The following TCAIM variants were observed in gnomAD, a reference collection of about 807,000 sequenced individuals.
TCAIM encodes T-cell activation inhibitor, mitochondrial.
In TCAIM, 36 loss-of-function variants were observed where a neutral mutation model predicts 58.6. The observed-to-expected ratio is 0.61, with a 90% CI of 0.47 to 0.81. The LOEUF is 0.81. Ranked by LOEUF, TCAIM falls within the 30% of genes least tolerant of loss-of-function variation. The pLI, the probability that TCAIM is intolerant of heterozygous loss-of-function variation, is 0.00. For synonymous variants in TCAIM, 172 were observed against 193.6 expected (o/e 0.89, Z 0.93); for missense variants, 466 against 579.6 (o/e 0.80, Z 2.01).
Position 44,354,763 on chromosome 3 carries a change from A to G in TCAIM, c.-20A>G, listed in dbSNP as rs745625477. ...GCAATTAATGGATGCCTCGAAGTTG[A>G]CGTACATATATATTCAGAAATGTTT... is the stretch of plus-strand genomic sequence containing the variant. On this transcript the variant is annotated 5_prime_UTR_variant, in exon 2 of 11. The change abolishes the stop of an existing upstream ORF in the 5' untranslated region. Coordinates refer to ENST00000342649, the MANE Select transcript of TCAIM (RefSeq NM_173826.4). 1.9e-6 allele frequency: 3 copies of G among 1,605,708 alleles called. No individual in the cohort carries two copies. The South Asian group carries it at 3.4e-5, about 18-fold the overall frequency.
intron 5 of TCAIM, among the ~76,000 whole-genome samples, chr3:44,386,615 C>T (rs1255959145): frequency 6.6e-6 from 1 of 152,242 alleles, no homozygotes. Flanking sequence ...CCTCTCTCCA[C>T]TCCCAGTGCC....
Position 44,401,259 on chromosome 3 carries a change from G to C in TCAIM, c.1175G>C (p.Cys392Ser), listed in dbSNP as rs771520820. The C allele has an allele frequency of 2.5e-6, 4 of 1,613,944 alleles. No homozygotes were observed. Among genetic ancestry groups the C allele is most frequent in the Non-Finnish European group, 3.4e-6 (4 of 1,180,004 alleles). Residue 392 changes from cysteine to serine, a missense_variant, in exon 10 of 11, where the codon TGT becomes TCT. Coordinates refer to ENST00000342649, the MANE Select transcript of TCAIM (RefSeq NM_173826.4). ...ELGHFNIPTL[C>S]DPANLQWFIL... The stretch of plus-strand genomic sequence containing the variant: ...GGGCATTTTAATATTCCAACACTCT[G>C]TGATCCAGCAAATCTCCAGTGGTTT...
Position 44,409,338 on chromosome 3 carries a change from A to T in TCAIM, c.*1656A>T, listed in dbSNP as rs1417582750. ...ATATAAGAAAATATATTAGAAAATC[A>T]GCTTTGGATTATACGATTTCTAAAA... On this transcript the variant is annotated 3_prime_UTR_variant, in exon 11 of 11. Transcript: ENST00000342649. 6.6e-6 allele frequency: 1 copy of T among 152,246 alleles called. No individual in the cohort carries two copies. The highest frequency in any genetic ancestry group is 2.4e-5 in the African/African-American group (1 of 41,472). 9.4% of individuals were successfully genotyped at this position (152,246 alleles called of 1,614,324 possible). A position where few individuals can be genotyped will look rare whatever the true frequency, so the allele number is the denominator to read the frequency against.
rs528107861 is a variant in TCAIM at position 44,396,626 on chromosome 3, A to G, written c.794-117A>G. On this transcript the variant is annotated intron_variant, in intron 7 of 10. Transcript: ENST00000342649. ...TCTGTTCTTTGAATAAAGCAGTGGC[A>G]TAAAATTAGCCTTTAAGCTTCTACT... is the stretch of plus-strand genomic sequence containing the variant. The G allele has an allele frequency of 5.7e-6, 8 of 1,413,280 alleles. No homozygotes were observed. In the East Asian group the frequency reaches 1.4e-4, roughly 24 times the overall value. The allele number at this position is 1,413,280 out of a possible 1,614,324, so 87.5% of individuals were successfully genotyped here.
At chr3:44,378,459 C>A (rs11707182) in intron 5 of TCAIM, among the ~76,000 whole-genome samples, 3 of 151,680 alleles carry the variant, frequency 2.0e-5, no homozygotes, top group Non-Finnish European at 4.4e-5. Context: ...TGAACAGACA[C>A]TTTTCAAAAG....
intron 6 of TCAIM, among the ~76,000 whole-genome samples, chr3:44,394,828 AG>A (rs1301380410): frequency 1.5e-5 from 2 of 136,678 alleles, no homozygotes; most frequent in Admixed American, 7.8e-5. Context: ...CAGGAGACAG[AG>A]GTTGCAGTGA....
intron 5 of TCAIM, among the ~76,000 whole-genome samples, chr3:44,374,161 T>A (rs1220650087): frequency 6.6e-6 from 1 of 152,232 alleles, no homozygotes; most frequent in Non-Finnish European, 1.5e-5. Context: ...AGTCATGATT[T>A]AACTCATATT....
Position 44,384,518 on chromosome 3 carries a change from A to G in TCAIM, c.573-8337A>G, listed in dbSNP as rs529778464. Among the ~76,000 whole-genome samples, 712 of 152,350 alleles carry G rather than the reference A, an allele frequency of 4.7e-3. 5 individuals are homozygous for G. The highest frequency in any genetic ancestry group is 6.7e-3 in the Non-Finnish European group (459 of 68,026). On this transcript the variant is annotated intron_variant, in intron 5 of 10. Transcript: ENST00000342649. The stretch of plus-strand genomic sequence containing the variant: ...AAGACACGTAGAGATAAATTATTAT[A>G]CAAACAGGCTGTGATTGGTCCCAAA...
At chr3:44,343,908 T>G (rs946567486) in intron 1 of TCAIM, among the ~76,000 whole-genome samples, 1 of 152,162 alleles carries the variant, frequency 6.6e-6, no homozygotes, top group African/African-American at 2.4e-5. Context: ...AGTAGTAGTT[T>G]AGTTATACTC....
At chr3:44,375,176 G>T (rs1264946270) in intron 5 of TCAIM, among the ~76,000 whole-genome samples, 3 of 151,930 alleles carry the variant, frequency 2.0e-5, no homozygotes, top group Admixed American at 2.0e-4. Context: ...ACATATTGCT[G>T]CAATTATAAT....
At chr3:44,396,722 G>C (rs749996424) in intron 7 of TCAIM, 21 bp from the exon 8 acceptor site, 2 of 1,610,274 alleles carry the variant, frequency 1.2e-6, no homozygotes, top group Non-Finnish European at 1.7e-6. Flanking sequence ...CATGACCAAA[G>C]GTTTTGTGTT....
intron 4 of TCAIM, among the ~76,000 whole-genome samples, chr3:44,362,258 T>G (rs1701305927): frequency 6.6e-6 from 1 of 152,138 alleles, no homozygotes; most frequent in African/African-American, 2.4e-5. Context: ...ATTTGATAGG[T>G]CTTTGAGATC....
chr3:44,349,606 G>A (rs368516734), intron 1 of TCAIM, among the ~76,000 whole-genome samples: 12 of 151,866 alleles, frequency 7.9e-5, no homozygotes, highest in Non-Finnish European at 1.6e-4. Flanking sequence ...AGGTGTCCCC[G>A]TGGTGATAAC....
chr3:44,400,827 C>G (rs760224553), intron 9 of TCAIM: 5 of 539,644 alleles, frequency 9.3e-6, no homozygotes, highest in Non-Finnish European at 1.6e-5. Context: ...TGGGCAAAGT[C>G]AATCCAATGG....
In TCAIM at chr3:44,402,873, C is replaced by T. The variant is rs539866051; in HGVS notation, c.1250+1539C>T. Among the ~76,000 whole-genome samples the T allele has an allele frequency of 3.3e-5, 5 of 152,124 alleles. No individual in the cohort carries two copies. The South Asian group carries it at 1.0e-3, about 32-fold the overall frequency. On this transcript the variant is annotated intron_variant, in intron 10 of 10. Coordinates refer to ENST00000342649, the MANE Select transcript of TCAIM (RefSeq NM_173826.4). The stretch of plus-strand genomic sequence containing the variant: ...AGAGAAGAGGACAGGGTGATGGAAC[C>T]TGGTTGTTTAGCAGGGTGCCAGTGG...
intron 1 of TCAIM, among the ~76,000 whole-genome samples, chr3:44,347,773 G>T (rs1214741691): frequency 6.6e-6 from 1 of 152,132 alleles, no homozygotes; most frequent in Non-Finnish European, 1.5e-5. Flanking sequence ...TGGGATATTG[G>T]CCTTAAGCAG....
chr3:44,351,146 G>A (rs1243928483), intron 1 of TCAIM, among the ~76,000 whole-genome samples: 1 of 152,132 alleles, frequency 6.6e-6, no homozygotes, highest in African/African-American at 2.4e-5. Flanking sequence ...GCACCACCAT[G>A]GCTGGCTAAT....
intron 9 of TCAIM, 71 bp downstream of exon 9, chr3:44,400,658 A>G: frequency 7.8e-7 from 1 of 1,278,500 alleles, no homozygotes; most frequent in Non-Finnish European, 1.1e-6. Flanking sequence ...AATGCATTAA[A>G]TTGTTTTGTA....
chr3:44,347,465 G>A (rs1250718814), intron 1 of TCAIM, among the ~76,000 whole-genome samples: 3 of 152,156 alleles, frequency 2.0e-5, no homozygotes. Context: ...TAAAAGCAAA[G>A]GGGCTGGGAG....
Sources: allele counts gnomAD v4.1 joint callset (sites outside exome capture counted in the v4.1 genomes callset), GRCh38; gene constraint gnomAD v4.1.1; transcripts MANE v1.5; gene names NCBI Gene and HGNC (gene_info 2026-07-23, HGNC 2026-07-21).